The following EDNRA variants were observed in gnomAD, a reference collection of about 807,000 sequenced individuals.
EDNRA encodes the protein endothelin-1 receptor.
EDNRA carries 11 observed loss-of-function variants against 41.4 expected under a neutral mutation model. The observed-to-expected ratio is 0.27, with a 90% CI of 0.17 to 0.44. EDNRA has a LOEUF of 0.44. Ranked by LOEUF, EDNRA falls within the 20% of genes least tolerant of loss-of-function variation. EDNRA has a pLI of 1.00. For missense variants in EDNRA, 294 were observed against 531.0 expected (o/e 0.55, Z 4.39); for synonymous variants, 172 against 183.0 (o/e 0.94, Z 0.49).
At chr4:147,507,141 A>G (rs1429041053) in intron 2 of EDNRA, among the ~76,000 whole-genome samples, 1 of 152,176 alleles carries the variant, frequency 6.6e-6, no homozygotes, top group African/African-American at 2.4e-5. Context: ...AGAGAATAAT[A>G]TAGCAAGAAA....
intron 5 of EDNRA, among the ~76,000 whole-genome samples, chr4:147,538,626 A>G (rs1730993785): frequency 6.6e-6 from 1 of 152,168 alleles, no homozygotes; most frequent in Admixed American, 6.5e-5. Context: ...GACCCTTTTA[A>G]AAAGAGCCCC....
chr4:147,508,891 C>A (rs920376875), intron 2 of EDNRA, among the ~76,000 whole-genome samples: 2 of 151,980 alleles, frequency 1.3e-5, no homozygotes, highest in Non-Finnish European at 2.9e-5. Flanking sequence ...ACTATAAGTT[C>A]TCCTACTTTG....
intron 2 of EDNRA, among the ~76,000 whole-genome samples, chr4:147,500,541 A>T (rs1309077163): frequency 6.6e-6 from 1 of 152,186 alleles, no homozygotes; most frequent in East Asian, 1.9e-4. Flanking sequence ...AACATGATGA[A>T]ACCCCATTGC....
intron 2 of EDNRA, among the ~76,000 whole-genome samples, chr4:147,509,770 C>G (rs1040244788): frequency 6.6e-6 from 1 of 152,014 alleles, no homozygotes; most frequent in Non-Finnish European, 1.5e-5. Flanking sequence ...CCCATTAACC[C>G]TAGATGGGAC....
chr4:147,485,916 T>G lies in EDNRA; in HGVS notation c.235T>G (p.Phe79Val). Reference sequence around the variant, plus strand: ...ACAGCAGACTAAAATTACTTCAGCTTTCAAATACATTAACACTGTGATATC... The same window carrying G: ...ACAGCAGACTAAAATTACTTCAGCTGTCAAATACATTAACACTGTGATATC... ...CPQQTKITSA[F>V]KYINTVISCT... The change falls in exon 2 of 8, where the codon TTC becomes GTC. Residue 79 changes from phenylalanine to valine, a missense_variant. This residue lies in a region of EDNRA where 90 missense variants were observed against 122.8 expected (regional missense o/e 0.73). Coordinates refer to ENST00000651419, the MANE Select transcript of EDNRA (RefSeq NM_001957.4). The G allele has an allele frequency of 1.9e-6, 3 of 1,614,274 alleles. No individual in the cohort carries two copies. Among genetic ancestry groups the G allele is most frequent in the Non-Finnish European group, 2.5e-6 (3 of 1,180,052 alleles).
chr4:147,506,177 G>A (rs1365218377), intron 2 of EDNRA: 1 of 527,486 alleles, frequency 1.9e-6, no homozygotes, highest in Non-Finnish European at 3.8e-6. Context: ...CTCAAGGAAG[G>A]ACTGAGGTGT....
chr4:147,515,244 T>A (rs1349854211), intron 2 of EDNRA, among the ~76,000 whole-genome samples: 1 of 152,184 alleles, frequency 6.6e-6, no homozygotes, highest in East Asian at 1.9e-4. Flanking sequence ...GGGTTGTCTG[T>A]CCTGTACATT....
At position 147,539,958 on chromosome 4, in the gene EDNRA, C is replaced by A; in HGVS notation, c.1034+8C>A. On this transcript the variant is annotated splice_region_variant and intron_variant, in intron 6 of 7. Transcript: ENST00000651419. ...CCGATGTGAATTACTTAGGTATGAT[C>A]CTGTGTACTCGCTAGAAAATTGGAG... 5.1e-6 allele frequency: 8 copies of A among 1,576,714 alleles called. No homozygotes were observed. Among genetic ancestry groups the A allele is most frequent in the Non-Finnish European group, 6.0e-6 (7 of 1,168,716 alleles).
At chr4:147,483,724 A>T (rs1560889583) in intron 1 of EDNRA, among the ~76,000 whole-genome samples, 8 of 145,550 alleles carry the variant, frequency 5.5e-5, no homozygotes, top group East Asian at 2.0e-4. Context: ...TATTTATTTA[A>T]TTTTTTTTTT....
chr4:147,526,612 G>A (rs898309790), intron 3 of EDNRA, among the ~76,000 whole-genome samples: 1 of 152,202 alleles, frequency 6.6e-6, no homozygotes, highest in Admixed American at 6.5e-5. Flanking sequence ...AACTGAAGAA[G>A]TGGTAAAGCA....
intron 3 of EDNRA, 104 bp from the exon 4 acceptor site, chr4:147,532,402 T>C (rs1730782690): frequency 1.2e-6 from 1 of 854,790 alleles, no homozygotes; most frequent in Middle Eastern, 2.6e-4. Flanking sequence ...AGACAATTAC[T>C]GGTATTGGCA....
In EDNRA at chr4:147,519,194, C is replaced by T. The variant is rs1730226901; in HGVS notation, c.421-657C>T. ...TACATCACATCTACTGAAGCAGAGT[C>T]AGCCCCTTAAGCACAGAGGAAAATG... On this transcript the variant is annotated intron_variant, in intron 2 of 7. Coordinates refer to ENST00000651419, the MANE Select transcript of EDNRA (RefSeq NM_001957.4). The surrounding 1 kb of genome is among the most constrained non-coding windows in gnomAD (Gnocchi z 4.1). Among the ~76,000 whole-genome samples, 1 of 152,216 alleles carries T rather than the reference C, an allele frequency of 6.6e-6. No homozygotes were observed. The highest frequency in any genetic ancestry group is 2.1e-4 in the South Asian group (1 of 4,830).
intron 2 of EDNRA, among the ~76,000 whole-genome samples, chr4:147,505,142 G>A (rs1366584280): frequency 6.7e-6 from 1 of 150,246 alleles, no homozygotes; most frequent in Admixed American, 6.6e-5. Context: ...TTAGCCATTA[G>A]GGAAATGCAA....
chr4:147,516,777 A>T (rs534658146), intron 2 of EDNRA, among the ~76,000 whole-genome samples: 1 of 152,140 alleles, frequency 6.6e-6, no homozygotes, highest in South Asian at 2.1e-4. Flanking sequence ...AACATTAGTG[A>T]AATCAGTGAG....
At chr4:147,540,079 C>T in intron 6 of EDNRA, 129 bp downstream of exon 6, 1 of 1,295,736 alleles carries the variant, frequency 7.7e-7, no homozygotes, top group Admixed American at 2.6e-5. Flanking sequence ...TGATTTTTTT[C>T]TTTAGCTGAC....
In EDNRA at chr4:147,532,684, G is replaced by C. The variant is rs752446511; in HGVS notation, c.727G>C (p.Ala243Pro). The C allele has an allele frequency of 6.2e-7, 1 of 1,614,114 alleles. No homozygotes were observed. Among genetic ancestry groups the C allele is most frequent in the Non-Finnish European group, 8.5e-7 (1 of 1,180,014 alleles). ...GEQHKTCMLNATSKFMEFYQD... is the reference protein window; with the variant it reads ...GEQHKTCMLNPTSKFMEFYQD... ...ACAGCATAAAACCTGTATGCTCAAT[G>C]CCACATCAAAATTCATGGAGGTACT... Residue 243 changes from alanine to proline, a missense_variant, in exon 4 of 8, where the codon GCC (alanine) becomes CCC (proline). Coordinates refer to ENST00000651419, the MANE Select transcript of EDNRA (RefSeq NM_001957.4).
Position 147,519,627 on chromosome 4 carries a change from TTAA to T in EDNRA, c.421-214_421-212del, listed in dbSNP as rs931371269. Among the ~76,000 whole-genome samples, 1 of 151,048 alleles carries T rather than the reference TTAA, an allele frequency of 6.6e-6. No homozygotes were observed. Among genetic ancestry groups the T allele is most frequent in the Admixed American group, 6.6e-5 (1 of 15,138 alleles). ...CACAATATATTCATGTTACTACATATTAATAATAATAAATTATATCTGTATATC... is the reference window on the plus strand; with the variant it reads ...CACAATATATTCATGTTACTACATATTAATAATAAATTATATCTGTATATC... On this transcript the variant is annotated intron_variant, in intron 2 of 7. Coordinates refer to ENST00000651419, the MANE Select transcript of EDNRA (RefSeq NM_001957.4). This position sits in a 1 kb window ranked among gnomAD's most constrained non-coding sequence, Gnocchi z 4.1.
chr4:147,534,340 T>G (rs1730849152), intron 4 of EDNRA, among the ~76,000 whole-genome samples: 1 of 152,220 alleles, frequency 6.6e-6, no homozygotes, highest in African/African-American at 2.4e-5. Context: ...CTTTCTACAG[T>G]GTGTTGGGAA....
At position 147,540,365 on chromosome 4, in the gene EDNRA, C is replaced by T; in HGVS notation, c.1035-12C>T. On this transcript the variant is annotated splice_polypyrimidine_tract_variant and intron_variant, in intron 6 of 7. Coordinates refer to ENST00000651419, the MANE Select transcript of EDNRA (RefSeq NM_001957.4). ...TATTCTAATTATTCTACACCATTTTCTTTTGCTCTAGTTTCTTACTGCTCA... is the reference window on the plus strand; with the variant it reads ...TATTCTAATTATTCTACACCATTTTTTTTTGCTCTAGTTTCTTACTGCTCA... The T allele has an allele frequency of 6.4e-7, 1 of 1,566,526 alleles. No individual in the cohort carries two copies. Among genetic ancestry groups the T allele is most frequent in the Non-Finnish European group, 8.7e-7 (1 of 1,144,658 alleles).
Sources: gnomAD v4.1 joint callset for allele counts (sites outside exome capture counted in the v4.1 genomes callset) on GRCh38, gnomAD v4.1.1 for gene constraint, gnomAD v4.1.1 regional missense constraint, Gnocchi (gnomAD v3.1) non-coding constraint, MANE v1.5 for transcripts, NCBI Gene and HGNC (gene_info 2026-07-23, HGNC 2026-07-21) for gene names.